ITFG2: variants seen among roughly 807,000 people sequenced by gnomAD.
ITFG2 encodes KICSTOR complex protein ITFG2.
A neutral mutation model predicts 54.4 loss-of-function variants in ITFG2; 36 were observed. The observed-to-expected ratio is 0.66, with a 90% CI of 0.51 to 0.87. The LOEUF (loss-of-function observed/expected upper bound fraction) is 0.87, where lower values mean the gene tolerates loss of function less well. Ranked by LOEUF, ITFG2 falls within the 40% of genes least tolerant of loss-of-function variation. The pLI is 0.00. For missense variants in ITFG2, 524 were observed against 576.7 expected (o/e 0.91, Z 0.94); for synonymous variants, 211 against 225.4 (o/e 0.94, Z 0.57).
chr12:2,836,063 A>G (rs557004104), upstream of ITFG2, among the ~76,000 whole-genome samples: 1 of 152,368 alleles, frequency 6.6e-6, no homozygotes, highest in African/African-American at 2.4e-5. Context: ...CTAACAAACA[A>G]TGCTGCTATG....
At chr12:2,843,004 C>G (rs2098045097) in intron 2 of ITFG2, among the ~76,000 whole-genome samples, 1 of 152,174 alleles carries the variant, frequency 6.6e-6, no homozygotes, top group African/African-American at 2.4e-5. Flanking sequence ...TTTCAACATT[C>G]TTTCCTCAAG....
intron 4 of ITFG2, chr12:2,818,648 CCT>C: frequency 3.7e-6 from 1 of 272,802 alleles, no homozygotes. Flanking sequence ...AGCGTGGGAC[CCT>C]GTCTCTATTT....
chr12:2,829,289 T>G (rs1399495366), downstream of ITFG2, among the ~76,000 whole-genome samples: 1 of 132,716 alleles, frequency 7.5e-6, no homozygotes, highest in Non-Finnish European at 1.5e-5. Context: ...CTTCACCTAC[T>G]TTGGGACATA....
intron 11 of ITFG2, 46 bp from the exon 12 acceptor site, chr12:2,824,044 G>A: frequency 1.2e-6 from 2 of 1,613,924 alleles, no homozygotes; most frequent in South Asian, 1.1e-5. Flanking sequence ...TGGCCCGGGT[G>A]CCCAGGAGAC....
intron 2 of ITFG2, among the ~76,000 whole-genome samples, chr12:2,848,069 G>A (rs1003392163): frequency 2.4e-4 from 37 of 152,314 alleles, no homozygotes; most frequent in Admixed American, 2.0e-3. Flanking sequence ...TGCAGGTGAG[G>A]AACCTGAAAG....
intron 3 of ITFG2, chr12:2,859,262 A>T: frequency 1.2e-6 from 2 of 1,613,770 alleles, no homozygotes; most frequent in Non-Finnish European, 1.7e-6. Context: ...GCTCCGGCTC[A>T]TCCACACAGG....
downstream of ITFG2, among the ~76,000 whole-genome samples, chr12:2,831,414 T>C (rs1454506561): frequency 6.6e-6 from 1 of 152,036 alleles, no homozygotes; most frequent in Non-Finnish European, 1.5e-5. Flanking sequence ...TGAAACCCTA[T>C]TTCTACTAAA....
intron 2 of ITFG2, among the ~76,000 whole-genome samples, chr12:2,852,756 G>A (rs958413559): frequency 1.3e-5 from 2 of 152,092 alleles, no homozygotes; most frequent in African/African-American, 4.8e-5. Context: ...TGTAATCCCA[G>A]CACTTTGGGA....
At chr12:2,820,695 T>A (rs1177660481) in intron 5 of ITFG2, 29 bp from the exon 6 acceptor site, 1 of 1,372,514 alleles carries the variant, frequency 7.3e-7, no homozygotes, top group South Asian at 1.1e-5. Context: ...TCTCTCTCCG[T>A]CTCCCTTTAA....
chr12:2,835,864 G>T (rs982230434), upstream of ITFG2, among the ~76,000 whole-genome samples: 2 of 152,126 alleles, frequency 1.3e-5, no homozygotes, highest in Admixed American at 6.5e-5. Context: ...TATGTCGTTG[G>T]TTTTGTCCTA....
rs2097928329 is a variant in ITFG2 at position 2,818,165 on chromosome 12, C to G, written c.294C>G (p.Ala98=). 1 of 1,614,122 alleles carries G rather than the reference C, an allele frequency of 6.2e-7. No individual in the cohort carries two copies. Among genetic ancestry groups the G allele is most frequent in the Non-Finnish European group, 8.5e-7 (1 of 1,180,028 alleles). The change falls in exon 4 of 12, where the codon GCC becomes GCG. Residue 98 remains alanine, a synonymous_variant. Transcript: ENST00000228799. ...TTCATTTGTTTGACCTGACACCTGC[C>G]AAGGTGTTGGATGCTTCTGGGCACC... ...GWFHLFDLTP[A]KVLDASGHHE...
chr12:2,831,830 C>T (rs1382624997), upstream of ITFG2, among the ~76,000 whole-genome samples: 1 of 152,082 alleles, frequency 6.6e-6, no homozygotes. Flanking sequence ...TTCCTTGGCT[C>T]AAGGCATTCT....
At chr12:2,829,929 T>C (rs76094964), downstream of ITFG2, among the ~76,000 whole-genome samples, 470 of 151,802 alleles carry the variant, frequency 3.1e-3, 11 homozygotes, top group African/African-American at 0.011. Flanking sequence ...AATACAAAAT[T>C]AGCCAAGTGT....
intron 2 of ITFG2, among the ~76,000 whole-genome samples, chr12:2,843,830 A>G (rs974129641): frequency 7.2e-6 from 1 of 138,002 alleles, no homozygotes; most frequent in African/African-American, 2.8e-5. Flanking sequence ...AAAAGTTCCA[A>G]CTCTGTCCCT....
rs1024171496 is a variant in ITFG2, at chr12:2,845,482, A to C, written n.300+4487A>C. Among the ~76,000 whole-genome samples, 1 of 152,124 alleles carries C rather than the reference A, an allele frequency of 6.6e-6. No homozygotes were observed. The highest frequency in any genetic ancestry group is 2.4e-5 in the African/African-American group (1 of 41,424). On this transcript the variant is annotated intron_variant and non_coding_transcript_variant, in intron 2 of 3. Coordinates refer to the ITFG2 transcript ENST00000537710. This position sits in a 1 kb window ranked among gnomAD's most constrained non-coding sequence, Gnocchi z 4.2. Reference sequence around the variant, plus strand: ...GCTCAGGAACTTGCGTCAGCAGCTCAGGTCATGACACCAAGATCAGGCTTG... The same window carrying C: ...GCTCAGGAACTTGCGTCAGCAGCTCCGGTCATGACACCAAGATCAGGCTTG...
chr12:2,825,100 A>G (rs1205852612), downstream of ITFG2: 1 of 152,174 alleles, frequency 6.6e-6, no homozygotes, highest in African/African-American at 2.4e-5. Flanking sequence ...GTAGGTAAGT[A>G]TTGTTTTGTT....
rs142589902 is a variant in ITFG2, at chr12:2,838,457, T to C, written n.146+1501T>C. Among the ~76,000 whole-genome samples the C allele has an allele frequency of 5.3e-5, 8 of 152,264 alleles. No homozygotes were observed. The East Asian group carries it at 1.4e-3, about 26-fold the overall frequency. On this transcript the variant is annotated intron_variant and non_coding_transcript_variant, in intron 1 of 3. Transcript: ENST00000537710. The stretch of plus-strand genomic sequence containing the variant: ...AGGCTCTCAAGTGAGCTCAGGTCTG[T>C]ACACTGCACTCCAGGGAAGAGTAAA...
chr12:2,846,851 G>A (rs2098054656), intron 2 of ITFG2, among the ~76,000 whole-genome samples: 1 of 152,026 alleles, frequency 6.6e-6, no homozygotes, highest in Non-Finnish European at 1.5e-5. Context: ...AGGAAACTGA[G>A]AAACGCTCTA....
intron 2 of ITFG2, among the ~76,000 whole-genome samples, chr12:2,848,877 GCACACACACACACACACACA>G (rs3056877): frequency 1.4e-5 from 2 of 140,270 alleles, no homozygotes; most frequent in Admixed American, 7.2e-5. Context: ...ACACACACAC[GCACACACACACACACACACA>G]CACACACACA....
Sources: gnomAD v4.1 joint callset for allele counts (sites outside exome capture counted in the v4.1 genomes callset) on GRCh38, gnomAD v4.1.1 for gene constraint, Gnocchi (gnomAD v3.1) non-coding constraint, MANE v1.5 for transcripts, NCBI Gene and HGNC (gene_info 2026-07-23, HGNC 2026-07-21) for gene names.